Variants in PKIB observed in about 807,000 individuals in gnomAD.
PKIB encodes cAMP-dependent protein kinase inhibitor beta.
A neutral mutation model predicts 4.5 loss-of-function variants in PKIB; 2 were observed. The ratio of observed to expected loss-of-function variants is 0.44; its 90% CI spans 0.18 to 1.39. The LOEUF is 1.39. Ranked by LOEUF, PKIB falls within the 40% of genes most tolerant of loss-of-function variation. The pLI, the probability that PKIB is intolerant of heterozygous loss-of-function variation, is 0.27. For synonymous variants in PKIB, 38 were observed against 36.0 expected, an observed-to-expected ratio of 1.06 and a Z score of -0.20; for missense variants, 94 against 92.6, an observed-to-expected ratio of 1.02 and a Z score of -0.06.
At chr6:122,488,429 C>G (rs7767237) in intron 2 of PKIB, among the ~76,000 whole-genome samples, 83,623 of 151,848 alleles carry the variant, frequency 0.55, 23,277 homozygotes, top group South Asian at 0.69. Context: ...TGTTTGAGCT[C>G]TTCTTTTCTG....
At chr6:122,525,421 T>C (rs945204625) in intron 2 of PKIB, among the ~76,000 whole-genome samples, 1 of 152,190 alleles carries the variant, frequency 6.6e-6, no homozygotes, top group African/African-American at 2.4e-5. Flanking sequence ...ATGTTCTATG[T>C]GCACTTGAGA....
At chr6:122,699,954 G>T (rs1302186736) in intron 3 of PKIB, among the ~76,000 whole-genome samples, 1 of 152,126 alleles carries the variant, frequency 6.6e-6, no homozygotes, top group Non-Finnish European at 1.5e-5. Flanking sequence ...AATTTAGGAA[G>T]ATCCTAGTCA....
intron 2 of PKIB, among the ~76,000 whole-genome samples, chr6:122,505,151 A>C (rs1418100953): frequency 6.6e-6 from 1 of 152,302 alleles, no homozygotes; most frequent in East Asian, 1.9e-4. Flanking sequence ...ATCGGAGAGT[A>C]GTTGGTGGGA....
At chr6:122,541,830 T>C (rs1340983595) in intron 2 of PKIB, among the ~76,000 whole-genome samples, 1 of 151,970 alleles carries the variant, frequency 6.6e-6, no homozygotes, top group East Asian at 1.9e-4. Flanking sequence ...CAATCAGACG[T>C]AGATTTGGTC....
At chr6:122,522,692 G>A (rs2114602887) in intron 2 of PKIB, among the ~76,000 whole-genome samples, 1 of 152,174 alleles carries the variant, frequency 6.6e-6, no homozygotes, top group East Asian at 1.9e-4. Flanking sequence ...TTGCTTCCCG[G>A]GTGAGGCAAT....
chr6:122,712,642 A>G (rs557462300), intron 3 of PKIB, among the ~76,000 whole-genome samples: 40 of 152,264 alleles, frequency 2.6e-4, no homozygotes, highest in African/African-American at 9.4e-4. Context: ...GTTTTTTCAG[A>G]AAGTCTGACT....
intron 3 of PKIB, among the ~76,000 whole-genome samples, chr6:122,601,586 C>A (rs1774370021): frequency 6.6e-6 from 1 of 152,096 alleles, no homozygotes; most frequent in South Asian, 2.1e-4. Context: ...TCTGAGATGT[C>A]AAGACCAACC....
At chr6:122,694,641 T>G (rs1349958655) in intron 3 of PKIB, among the ~76,000 whole-genome samples, 1 of 152,178 alleles carries the variant, frequency 6.6e-6, no homozygotes, top group African/African-American at 2.4e-5. Context: ...AAAGGGGAAT[T>G]AATTTACACT....
intron 2 of PKIB, among the ~76,000 whole-genome samples, chr6:122,578,534 A>G (rs1773613796): frequency 1.3e-5 from 2 of 152,024 alleles, no homozygotes; most frequent in Non-Finnish European, 1.5e-5. Flanking sequence ...TCAATTCCCT[A>G]TATTAAATTA....
chr6:122,540,831 T>C (rs1319126968), intron 2 of PKIB, among the ~76,000 whole-genome samples: 1 of 151,484 alleles, frequency 6.6e-6, no homozygotes, highest in East Asian at 1.9e-4. Context: ...TCTTTGTAGG[T>C]CACTCAGGAC....
chr6:122,584,001 T>C (rs1342177209), intron 2 of PKIB, among the ~76,000 whole-genome samples: 1 of 152,134 alleles, frequency 6.6e-6, no homozygotes, highest in African/African-American at 2.4e-5. Context: ...TGAGGGAAAG[T>C]CTTATCTATT....
intron 2 of PKIB, among the ~76,000 whole-genome samples, chr6:122,663,443 C>T (rs975477966): frequency 2.6e-5 from 4 of 152,142 alleles, no homozygotes; most frequent in Non-Finnish European, 4.4e-5. Context: ...AAATGGCTGC[C>T]ACAAGAAAGT....
At chr6:122,595,918 G>A (rs925472541) in intron 3 of PKIB, among the ~76,000 whole-genome samples, 1 of 152,194 alleles carries the variant, frequency 6.6e-6, no homozygotes, top group Non-Finnish European at 1.5e-5. Flanking sequence ...TCACCCGTTG[G>A]TGAGTACTCA....
chr6:122,567,725 C>T (rs1367334787), intron 2 of PKIB, among the ~76,000 whole-genome samples: 1 of 151,964 alleles, frequency 6.6e-6, no homozygotes, highest in Non-Finnish European at 1.5e-5. Flanking sequence ...ACATGCAAAG[C>T]AATGAGATAC....
At chr6:122,665,953 G>T (rs979517800) in intron 2 of PKIB, among the ~76,000 whole-genome samples, 1 of 152,112 alleles carries the variant, frequency 6.6e-6, no homozygotes, top group African/African-American at 2.4e-5. Flanking sequence ...TATGTGTTAG[G>T]AATTACACTA....
intron 2 of PKIB, among the ~76,000 whole-genome samples, chr6:122,557,793 G>A (rs1386364952): frequency 2.0e-5 from 3 of 152,040 alleles, no homozygotes; most frequent in Non-Finnish European, 4.4e-5. Flanking sequence ...TTTTTTACTT[G>A]CACCTTTGCT....
At chr6:122,511,886 T>A (rs2114582344) in intron 2 of PKIB, among the ~76,000 whole-genome samples, 1 of 152,364 alleles carries the variant, frequency 6.6e-6, no homozygotes, top group East Asian at 1.9e-4. Flanking sequence ...CCTGTACATC[T>A]GTCCACATTT....
intron 2 of PKIB, among the ~76,000 whole-genome samples, chr6:122,641,416 G>A (rs368855053): frequency 2.6e-5 from 4 of 152,042 alleles, no homozygotes; most frequent in African/African-American, 9.6e-5. Context: ...TCTAATTTAT[G>A]GCTTTATATA....
intron 2 of PKIB, among the ~76,000 whole-genome samples, chr6:122,549,925 C>T (rs779097144): frequency 6.7e-6 from 1 of 149,582 alleles, no homozygotes; most frequent in Non-Finnish European, 1.5e-5. Flanking sequence ...TATATATACA[C>T]ATTTTTTGAG....
Sources: gnomAD v4.1 joint callset for allele counts (sites outside exome capture counted in the v4.1 genomes callset) on GRCh38, gnomAD v4.1.1 for gene constraint, MANE v1.5 for transcripts, NCBI Gene and HGNC (gene_info 2026-07-23, HGNC 2026-07-21) for gene names.